Variants in HAP1 observed in about 807,000 individuals in gnomAD.
HAP1 encodes the protein huntingtin associated protein 1, also known as huntingtin-associated protein 1.
A neutral mutation model predicts 60.3 loss-of-function variants in HAP1; 59 were observed. The ratio of observed to expected loss-of-function variants is 0.98; its 90% confidence interval spans 0.79 to 1.22. HAP1 has a LOEUF of 1.22. Among genes scored for constraint, HAP1 ranks in the 50% most tolerant of loss-of-function variants. The pLI is 0.00. For synonymous variants in HAP1, 346 were observed against 330.6 expected, an observed-to-expected ratio of 1.05 and a Z score of -0.50; for missense variants, 825 against 785.3, an observed-to-expected ratio of 1.05 and a Z score of -0.60.
downstream of HAP1, among the ~76,000 whole-genome samples, chr17:41,719,856 AT>A (rs2143158039): frequency 6.6e-6 from 1 of 152,058 alleles, no homozygotes; most frequent in Non-Finnish European, 1.5e-5. Context: ...AACCAAAAAA[AT>A]AATAAAAAAT....
rs35612698 is a variant in HAP1, at chr17:41,727,813, C to A, written c.1224G>T (p.Leu408Phe). The change falls in exon 8 of 11, where the codon TTG (leucine) becomes TTT (phenylalanine). Residue 408 changes from leucine to phenylalanine, a missense_variant. Transcript: ENST00000347901. The part of the protein sequence containing the change: ...CRMYGAETEK[L>F]QKQLASEKEI... ...CCTTCTCCGAAGCCAGCTGCTTCTGCAACTTTTCAGTCTCAGCCCCATACT... is the reference window on the plus strand; with the variant it reads ...CCTTCTCCGAAGCCAGCTGCTTCTGAAACTTTTCAGTCTCAGCCCCATACT... 0.35 allele frequency: 569,155 copies of A among 1,603,770 alleles called. 106,830 individuals are homozygous for A. The highest frequency in any genetic ancestry group is 0.39 in the Non-Finnish European group (461,434 of 1,171,468).
rs782465826 is a variant in HAP1, at chr17:41,732,338, C to CCTCT, written c.602_605dup (p.Asp203GlufsTer50). On this transcript the variant is annotated frameshift_variant, in exon 3 of 11. Transcript: ENST00000347901. LOFTEE classifies it high-confidence loss of function. Reference sequence around the variant, plus strand: ...CGATGCGAGCTGCAGTGTTCAGGTCCCTCTCTCTCTGCAGGACCATCCCAT... The same window carrying CCTCT: ...CGATGCGAGCTGCAGTGTTCAGGTCCCTCTCTCTCTCTCTGCAGGACCATCCCAT... The CCTCT allele has an allele frequency of 1.2e-6, 2 of 1,613,826 alleles. No homozygotes were observed. The highest frequency in any genetic ancestry group is 1.7e-6 in the Non-Finnish European group (2 of 1,179,860).
rs568933180 is a variant in HAP1, at chr17:41,727,165, G to A, written c.1276-21C>T. On this transcript the variant is annotated intron_variant, in intron 8 of 10. Transcript: ENST00000347901. ...GTCTCCTATGGTGGAGAGAACAGACGTTACCAGAGGACCCCCACAGAACCC... is the reference window on the plus strand; with the variant it reads ...GTCTCCTATGGTGGAGAGAACAGACATTACCAGAGGACCCCCACAGAACCC... 245 of 1,314,930 alleles carry A rather than the reference G, an allele frequency of 1.9e-4. 3 individuals carry two copies. The South Asian group carries it at 2.6e-3, about 14-fold the overall frequency. The allele number at this position is 1,314,930 out of a possible 1,614,324, so 81.5% of individuals were successfully genotyped here.
intron 7 of HAP1, 149 bp from the exon 8 acceptor site, chr17:41,727,985 G>T (rs1193229038): frequency 5.7e-6 from 4 of 698,154 alleles, no homozygotes; most frequent in Non-Finnish European, 9.8e-6. Flanking sequence ...AAGAAGGCAG[G>T]GGAGTCACGC....
rs566639829 is a variant in HAP1, at chr17:41,728,511, G to A, written c.1070-180C>T. On this transcript the variant is annotated intron_variant, in intron 6 of 10. Coordinates refer to ENST00000347901, the MANE Select transcript of HAP1 (RefSeq NM_177977.3). ...CAAGAAATGTTCATTGACTGATACT[G>A]AGCAGGGCACCAGGGTGAGTGGTCA... 1.2e-4 allele frequency among the ~76,000 whole-genome samples: 19 copies of A among 152,316 alleles called. No homozygotes were observed. The East Asian group carries it at 1.4e-3, about 11-fold the overall frequency.
intron 6 of HAP1, chr17:41,730,420 G>A (rs1193127973): frequency 5.3e-5 from 8 of 152,090 alleles, no homozygotes; most frequent in Admixed American, 1.3e-4. Context: ...TTTGGTTTTA[G>A]AAAACTCATT....
chr17:41,729,098 G>GC (rs1555589798), intron 6 of HAP1, among the ~76,000 whole-genome samples: 1 of 151,250 alleles, frequency 6.6e-6, no homozygotes, highest in Non-Finnish European at 1.5e-5. Flanking sequence ...GCGCCACCAC[G>GC]CCCAGTTAAT....
rs1555591116 is a variant in HAP1, at chr17:41,731,925, G to A, written c.896+12C>T. On this transcript the variant is annotated intron_variant, in intron 4 of 10. Transcript: ENST00000347901. ...AGAGAAAGGACTTGCAGGTGCAAAG[G>A]CAGGAACTCACAGCTTAGGGGCATC... is the stretch of plus-strand genomic sequence containing the variant. The A allele has an allele frequency of 1.2e-6, 1 of 846,130 alleles. No homozygotes were observed. Among genetic ancestry groups the A allele is most frequent in the Non-Finnish European group, 2.0e-6 (1 of 503,072 alleles). 52.4% of individuals were successfully genotyped at this position (846,130 alleles called of 1,614,324 possible). A position where few individuals can be genotyped will look rare whatever the true frequency, so the allele number is the denominator to read the frequency against.
Position 41,732,364 on chromosome 17 carries a change from A to G in HAP1, c.580T>C (p.Tyr194His), listed in dbSNP as rs782308657. The G allele has an allele frequency of 2.5e-6, 4 of 1,614,098 alleles. No individual in the cohort carries two copies. The highest frequency in any genetic ancestry group is 1.3e-5 in the African/African-American group (1 of 75,018). The change falls in exon 3 of 11, where the codon TAT becomes CAT. Residue 194 changes from tyrosine to histidine, a missense_variant. By Grantham distance (83) the Tyr-to-His change is moderately conservative. Coordinates refer to ENST00000347901, the MANE Select transcript of HAP1 (RefSeq NM_177977.3). The stretch of plus-strand genomic sequence containing the variant: ...CTCTCTCTCTGCAGGACCATCCCAT[A>G]GGTAACGCTCTCCCAGACAGGTGGG... ...LLPPVWESVT[Y>H]GMVLQRERDL...
rs782070542 is a variant in HAP1 at position 41,734,568 on chromosome 17, G to C, written c.67C>G (p.Leu23Val). Residue 23 changes from leucine (L) to valine (V), a missense_variant, in exon 1 of 11, where the codon CTC becomes GTC. Physicochemically the swap from Leu to Val is conservative, Grantham distance 32. Coordinates refer to ENST00000347901, the MANE Select transcript of HAP1 (RefSeq NM_177977.3). ...GCTGAGGGCGAAGGTGCACAGGTGA[G>C]TGCTGCTGGGTCCCCGGGTCCGAGC... ...SRLGPGDPAALTCAPSPSASP... is the reference protein window; with the variant it reads ...SRLGPGDPAAVTCAPSPSASP... 5 of 1,599,936 alleles carry C rather than the reference G, an allele frequency of 3.1e-6. No homozygotes were observed. The South Asian group carries it at 5.5e-5, about 18-fold the overall frequency.
Position 41,727,322 on chromosome 17 carries a change from G to A in HAP1, c.1276-178C>T, listed in dbSNP as rs367837525. On this transcript the variant is annotated intron_variant, in intron 8 of 10. Transcript: ENST00000347901. ...CCAGAGGCACGCTGTATGGGTAATG[G>A]GTGGCAGACCCAGTGGACACTGGGG... 23 of 780,930 alleles carry A rather than the reference G, an allele frequency of 2.9e-5. No homozygotes were observed. The East Asian group carries it at 5.6e-4, about 19-fold the overall frequency. 48.4% of individuals were successfully genotyped at this position (780,930 alleles called of 1,614,324 possible).
intron 6 of HAP1, among the ~76,000 whole-genome samples, chr17:41,729,497 C>G (rs1454757776): frequency 8.3e-6 from 1 of 121,090 alleles, no homozygotes; most frequent in Non-Finnish European, 1.6e-5. Context: ...TTGCAGTGAG[C>G]AAAGACCACA....
intron 6 of HAP1, among the ~76,000 whole-genome samples, chr17:41,731,226 CT>C (rs1272092251): frequency 1.4e-4 from 21 of 152,250 alleles, no homozygotes; most frequent in African/African-American, 5.1e-4. Context: ...CCCACAATTT[CT>C]GTATAGCTCT....
chr17:41,727,142 C>A lies in HAP1; in HGVS notation c.1278G>T (p.Glu426Asp), dbSNP rs782031193. The A allele has an allele frequency of 6.4e-7, 1 of 1,556,576 alleles. No individual in the cohort carries two copies. The stretch of plus-strand genomic sequence containing the variant: ...GCGTCTCCTGGAAACCAGGAAGAGT[C>A]TCCTATGGTGGAGAGAACAGACGTT... ...KEIQMQLQEE[E>D]TLPGFQETLA... Residue 426 changes from glutamate to aspartate, a missense_variant and splice_region_variant, in exon 9 of 11, where the codon GAG becomes GAT. By Grantham distance (45) the Glu-to-Asp change is conservative. Transcript: ENST00000347901.
chr17:41,725,963 G>T, intron 9 of HAP1, 66 bp from the exon 10 acceptor site: 1 of 1,234,794 alleles, frequency 8.1e-7, no homozygotes, highest in Non-Finnish European at 1.2e-6. Flanking sequence ...CTGGGGCTTG[G>T]TCAAGCTGAA....
Position 41,733,040 on chromosome 17 carries a change from T to TTG in HAP1, c.470-243_470-242insCA, listed in dbSNP as rs1356997384. On this transcript the variant is annotated intron_variant, in intron 1 of 10. Coordinates refer to ENST00000347901, the MANE Select transcript of HAP1 (RefSeq NM_177977.3). ...TTTAGGTTTTTGGGTTTTTTTTGGT[T>TTG]TTTTTTTTTTTTGGTTTTTTTTTTT... is the stretch of plus-strand genomic sequence containing the variant. Among the ~76,000 whole-genome samples, 54 of 89,422 alleles carry TTG rather than the reference T, an allele frequency of 6.0e-4. 2 individuals are homozygous for TTG. Among genetic ancestry groups the TTG allele is most frequent in the East Asian group, 3.4e-3 (10 of 2,982 alleles). The allele number at this position is 89,422 out of a possible 152,430, so 58.7% of individuals were successfully genotyped here. A position where few individuals can be genotyped will look rare whatever the true frequency, so the allele number is the denominator to read the frequency against.
Position 41,728,287 on chromosome 17 carries a change from G to A in HAP1, c.1114C>T (p.Leu372Phe). The change falls in exon 7 of 11, where the codon CTC becomes TTC. Residue 372 changes from leucine to phenylalanine, a missense_variant. By Grantham distance (22) the Leu-to-Phe change is conservative (BLOSUM62 0). Coordinates refer to ENST00000347901, the MANE Select transcript of HAP1 (RefSeq NM_177977.3). ...TGCCGTTCATAGTTTTCCAGCCTGA[G>A]CACCAGCACCTCCGACAGCTCAGCC... The part of the protein sequence containing the change: ...QMAELSEVLV[L>F]RLENYERQQQ... 6.2e-7 allele frequency: 1 copy of A among 1,613,660 alleles called. No homozygotes were observed. The highest frequency in any genetic ancestry group is 8.5e-7 in the Non-Finnish European group (1 of 1,180,010).
chr17:41,727,522 C>T, intron 8 of HAP1: 1 of 745,730 alleles, frequency 1.3e-6, no homozygotes, highest in Non-Finnish European at 2.5e-6. Flanking sequence ...GCCAGAGGCC[C>T]AGGTTCTGGA....
In HAP1 at chr17:41,724,740, AG is replaced by A. The variant is rs1555588147; in HGVS notation, c.1820del (p.Pro607LeufsTer46). Reference protein sequence around the residue: ...QKGECPHGALPAASRTSCRSS... With the variant: ...QKGECPHGALXAASRTSCRSS... Reference sequence around the variant, plus strand: ...ATCTGCAGCTTGTCCGGCTGGCGGCAGGGAGGGCCCCGTGGGGGCACTCACC... The same window carrying A: ...ATCTGCAGCTTGTCCGGCTGGCGGCAGGAGGGCCCCGTGGGGGCACTCACC... On this transcript the variant is annotated frameshift_variant, in exon 11 of 11. Coordinates refer to ENST00000347901, the MANE Select transcript of HAP1 (RefSeq NM_177977.3). LOFTEE classifies it high-confidence loss of function. 6.3e-7 allele frequency: 1 copy of A among 1,595,506 alleles called. No homozygotes were observed. The highest frequency in any genetic ancestry group is 1.7e-5 in the Admixed American group (1 of 59,684).
Sources: gnomAD v4.1 joint callset for allele counts (sites outside exome capture counted in the v4.1 genomes callset) on GRCh38, gnomAD v4.1.1 for gene constraint, MANE v1.5 for transcripts, NCBI Gene and HGNC (gene_info 2026-07-23, HGNC 2026-07-21) for gene names.